LRP12: variants seen among roughly 807,000 people sequenced by gnomAD.
LRP12 encodes the protein low-density lipoprotein receptor-related protein 12.
In LRP12, 14 loss-of-function variants were observed where a neutral mutation model predicts 66.0. The observed-to-expected ratio is 0.21, with a 90% CI of 0.14 to 0.33. LRP12 has a LOEUF of 0.33. Among genes scored for constraint, LRP12 ranks in the 10% least tolerant of loss-of-function variants. The probability of loss-of-function intolerance (pLI) is 1.00; values close to 1 mark genes in which losing one functional copy is unlikely to be tolerated. For synonymous variants in LRP12, 357 were observed against 359.1 expected (o/e 0.99, Z 0.07); for missense variants, 889 against 1,053.4 (o/e 0.84, Z 2.16).
At position 104,588,942 on chromosome 8, in the gene LRP12, G is replaced by C. The variant is rs578109468; in HGVS notation, c.-45C>G. 12 of 1,465,100 alleles carry C rather than the reference G, an allele frequency of 8.2e-6. No individual in the cohort carries two copies. Among genetic ancestry groups the C allele is most frequent in the Non-Finnish European group, 1.1e-5 (12 of 1,074,442 alleles). The allele number at this position is 1,465,100 out of a possible 1,614,324, so 90.8% of individuals were successfully genotyped here. A position where few individuals can be genotyped will look rare whatever the true frequency, so the allele number is the denominator to read the frequency against. On this transcript the variant is annotated 5_prime_UTR_variant, in exon 1 of 7. Coordinates refer to ENST00000276654, the MANE Select transcript of LRP12 (RefSeq NM_013437.5). ...AGAGAGGAGGAGACGGAGGAGGAGGGAGGAGAAGCTGGAGGTAGACGACGC... is the reference window on the plus strand; with the variant it reads ...AGAGAGGAGGAGACGGAGGAGGAGGCAGGAGAAGCTGGAGGTAGACGACGC...
intron 1 of LRP12, among the ~76,000 whole-genome samples, chr8:104,562,446 A>G (rs1326671777): frequency 6.6e-6 from 1 of 152,176 alleles, no homozygotes; most frequent in African/African-American, 2.4e-5. Context: ...TTATGAAAAA[A>G]AGTGATAAGG....
At chr8:104,521,155 T>C (rs1017296768) in intron 2 of LRP12, among the ~76,000 whole-genome samples, 2 of 151,916 alleles carry the variant, frequency 1.3e-5, no homozygotes, top group Admixed American at 1.3e-4. Flanking sequence ...TTCTGGAATA[T>C]GTACAGATAT....
chr8:104,539,426 A>T (rs1301906202), intron 1 of LRP12, among the ~76,000 whole-genome samples: 2 of 152,074 alleles, frequency 1.3e-5, no homozygotes, highest in African/African-American at 4.8e-5. Context: ...TTTTGGGTAC[A>T]TAGGGGGTCA....
At chr8:104,587,743 C>T (rs72679149) in intron 1 of LRP12, among the ~76,000 whole-genome samples, 34,692 of 152,160 alleles carry the variant, frequency 0.23, 3,982 homozygotes, top group Middle Eastern at 0.3. Flanking sequence ...ACCACCACCA[C>T]CATTATACTA....
intron 2 of LRP12, among the ~76,000 whole-genome samples, chr8:104,524,843 A>AT (rs1465888130): frequency 2.6e-5 from 4 of 152,124 alleles, no homozygotes; most frequent in Admixed American, 2.6e-4. Context: ...GACAGCATAA[A>AT]TTATTTCTAG....
chr8:104,515,185 A>G lies in LRP12; in HGVS notation c.137-6111T>C, dbSNP rs544387051. 3.3e-5 allele frequency among the ~76,000 whole-genome samples: 5 copies of G among 152,318 alleles called. No individual in the cohort carries two copies. In the East Asian group the frequency reaches 9.7e-4, roughly 29 times the overall value. On this transcript the variant is annotated intron_variant, in intron 2 of 6. Transcript: ENST00000276654. ...AACTTCATCTTTCTATATTTTGACT[A>G]TCCTCCCAGTTTAAAATACATCAAA...
In LRP12 at chr8:104,490,697, A is replaced by G. The variant is rs779892740; in HGVS notation, c.2556T>C (p.Asp852=). 3 of 1,613,006 alleles carry G rather than the reference A, an allele frequency of 1.9e-6. No individual in the cohort carries two copies. In the South Asian group the frequency reaches 3.3e-5, roughly 18 times the overall value. Residue 852 remains aspartate, a synonymous_variant, in exon 7 of 7, where the codon GAT becomes GAC. Transcript: ENST00000276654. ...CCTAACAAAGTAACAAAGCCTCATC[A>G]TCACTCGTTTCGTTTTTCAGTGTTA... ...LEVTLKNETS[D]DEALLLC
chr8:104,548,337 AAATATATAAATATATAAT>A lies in LRP12; in HGVS notation c.80-16392_80-16375del, dbSNP rs1564142190. 9.6e-4 allele frequency among the ~76,000 whole-genome samples: 8 copies of A among 8,348 alleles called. 1 individual carries two copies. In the African/African-American group the frequency reaches 0.011, roughly 12 times the overall value. 5.5% of individuals were successfully genotyped at this position (8,348 alleles called of 152,430 possible). On this transcript the variant is annotated intron_variant, in intron 1 of 6. Coordinates refer to ENST00000276654, the MANE Select transcript of LRP12 (RefSeq NM_013437.5). ...TATAAATATATAATATATATTATATAAATATATAAATATATAATATATATTATATAAATATATTATATA... is the reference window on the plus strand; with the variant it reads ...TATAAATATATAATATATATTATATAATATATTATATAAATATATTATATA...
chr8:104,525,276 AG>A (rs1811215944), intron 2 of LRP12, among the ~76,000 whole-genome samples: 1 of 152,138 alleles, frequency 6.6e-6, no homozygotes, highest in African/African-American at 2.4e-5. Flanking sequence ...ACAAAAATTA[AG>A]ATTTTATCCA....
At chr8:104,533,765 C>T (rs1016917345) in intron 1 of LRP12, among the ~76,000 whole-genome samples, 1 of 152,048 alleles carries the variant, frequency 6.6e-6, no homozygotes, top group Non-Finnish European at 1.5e-5. Context: ...ATCCTCCTAC[C>T]TTAGCTTCCT....
chr8:104,503,896 T>G (rs1232208555), intron 3 of LRP12, among the ~76,000 whole-genome samples: 1 of 152,200 alleles, frequency 6.6e-6, no homozygotes, highest in Non-Finnish European at 1.5e-5. Flanking sequence ...TTTGTCTTGG[T>G]CCTTGGTGCT....
chr8:104,550,936 T>A (rs1811716078), intron 1 of LRP12, among the ~76,000 whole-genome samples: 3 of 152,148 alleles, frequency 2.0e-5, no homozygotes, highest in Non-Finnish European at 4.4e-5. Flanking sequence ...CCAGAGATCT[T>A]TTTTAAAGGT....
intron 1 of LRP12, among the ~76,000 whole-genome samples, chr8:104,538,114 C>T (rs927808353): frequency 6.6e-6 from 1 of 152,116 alleles, no homozygotes; most frequent in African/African-American, 2.4e-5. Flanking sequence ...AAATGGAATA[C>T]GATGATAGGC....
At chr8:104,547,588 A>AT (rs1811603532) in intron 1 of LRP12, among the ~76,000 whole-genome samples, 3 of 122,400 alleles carry the variant, frequency 2.5e-5, no homozygotes, top group African/African-American at 6.5e-5. Flanking sequence ...ATATTAATAT[A>AT]TAATATATAA....
intron 1 of LRP12, among the ~76,000 whole-genome samples, chr8:104,586,835 CT>C (rs201507625): frequency 1.1e-3 from 162 of 146,266 alleles, no homozygotes; most frequent in Middle Eastern, 3.5e-3. Flanking sequence ...TCACTACCTC[CT>C]TTTTTTTTTT....
At position 104,495,790 on chromosome 8, in the gene LRP12, C is replaced by T. The variant is rs569197812; in HGVS notation, c.1581-581G>A. 1.4e-4 allele frequency: 22 copies of T among 152,604 alleles called. No homozygotes were observed. The South Asian group carries it at 2.9e-3, about 20-fold the overall frequency. The allele number at this position is 152,604 out of a possible 1,614,324, so 9.5% of individuals were successfully genotyped here. On this transcript the variant is annotated intron_variant, in intron 5 of 6. Transcript: ENST00000276654. Reference sequence around the variant, plus strand: ...ACAAAAAATTAGCCAGGCGTGGTGGCGGGCGCCTGTAATCACAGCTACTTG... The same window carrying T: ...ACAAAAAATTAGCCAGGCGTGGTGGTGGGCGCCTGTAATCACAGCTACTTG...
At chr8:104,524,645 A>C (rs533943786) in intron 2 of LRP12, among the ~76,000 whole-genome samples, 3 of 152,208 alleles carry the variant, frequency 2.0e-5, no homozygotes, top group Non-Finnish European at 4.4e-5. Flanking sequence ...TGCATATACA[A>C]TTATTTTTAA....
intron 1 of LRP12, among the ~76,000 whole-genome samples, chr8:104,581,743 CAA>C (rs537552133): frequency 2.1e-5 from 3 of 146,096 alleles, no homozygotes; most frequent in African/African-American, 7.5e-5. Context: ...ATAATGTAGA[CAA>C]AAAAAAAATA....
At chr8:104,494,533 A>G (rs1360462672) in intron 6 of LRP12, among the ~76,000 whole-genome samples, 1 of 152,174 alleles carries the variant, frequency 6.6e-6, no homozygotes. Flanking sequence ...ACACTGGCAC[A>G]TTTTTAAGCA....
Sources: gnomAD v4.1 joint callset for allele counts (sites outside exome capture counted in the v4.1 genomes callset) on GRCh38, gnomAD v4.1.1 for gene constraint, MANE v1.5 for transcripts, NCBI Gene and HGNC (gene_info 2026-07-23, HGNC 2026-07-21) for gene names.